The following CACNA1C variants were observed in gnomAD, a reference collection of about 807,000 sequenced individuals.
The protein encoded by CACNA1C is voltage-dependent L-type calcium channel subunit alpha-1C.
Under a neutral mutation model 229.0 loss-of-function variants are expected in CACNA1C, and 30 were observed. The ratio of observed to expected loss-of-function variants is 0.13; its 90% CI spans 0.10 to 0.18. The LOEUF (loss-of-function observed/expected upper bound fraction) is 0.18, where lower values mean the gene tolerates loss of function less well. CACNA1C is among the 10% of genes least tolerant of loss of function. The pLI, the probability that CACNA1C is intolerant of heterozygous loss-of-function variation, is 1.00. For missense variants in CACNA1C, 1,658 were observed against 2,845.0 expected (o/e 0.58, Z 9.49); for synonymous variants, 1,114 against 1,132.5 (o/e 0.98, Z 0.33).
chr12:2,662,268 TAAATC>T (rs142311770), intron 34 of CACNA1C, among the ~76,000 whole-genome samples: 5,282 of 145,788 alleles, frequency 0.036, 263 homozygotes, highest in African/African-American at 0.12. Context: ...ACAGGAAAAA[TAAATC>T]AAAGGATAAG....
intron 3 of CACNA1C, among the ~76,000 whole-genome samples, chr12:2,369,169 G>A (rs2097788938): frequency 6.6e-6 from 1 of 152,162 alleles, no homozygotes; most frequent in Non-Finnish European, 1.5e-5. Context: ...CATATACTGT[G>A]TACTAGAAAA....
Position 2,602,631 on chromosome 12 carries a change from TGTGTG to T in CACNA1C, c.2960+672_2960+676del, listed in dbSNP as rs1443736788. ...TGTGTGACTGTGTATATTTGTGTCT[TGTGTG>T]TGTGTGTGTGTGTGTGTGTGTGTGT... is the stretch of plus-strand genomic sequence containing the variant. On this transcript the variant is annotated intron_variant, in intron 22 of 46. Transcript: ENST00000399655. The surrounding 1 kb of genome is among the most constrained non-coding windows in gnomAD (Gnocchi z 4.4). Among the ~76,000 whole-genome samples, 20 of 38,330 alleles carry T rather than the reference TGTGTG, an allele frequency of 5.2e-4. No individual in the cohort carries two copies. Among genetic ancestry groups the T allele is most frequent in the Admixed American group, 1.4e-3 (4 of 2,850 alleles). 25.1% of individuals were successfully genotyped at this position (38,330 alleles called of 152,430 possible). A position where few individuals can be genotyped will look rare whatever the true frequency, so the allele number is the denominator to read the frequency against.
At position 2,360,185 on chromosome 12, in the gene CACNA1C, A is replaced by C. The variant is rs1360798536; in HGVS notation, c.478-88791A>C. 4.9e-3 allele frequency among the ~76,000 whole-genome samples: 245 copies of C among 49,616 alleles called. 1 individual carries two copies. The highest frequency in any genetic ancestry group is 0.022 in the African/African-American group (220 of 10,174). 32.6% of individuals were successfully genotyped at this position (49,616 alleles called of 152,430 possible). ...CCCCCCACCCCCCCACCCCACACAC[A>C]CACACACACACCCCACCCCACCAGG... On this transcript the variant is annotated intron_variant, in intron 3 of 46. Coordinates refer to ENST00000399655, the MANE Select transcript of CACNA1C (RefSeq NM_000719.7).
chr12:2,535,865 G>A (rs542638860), intron 9 of CACNA1C, among the ~76,000 whole-genome samples: 13 of 152,272 alleles, frequency 8.5e-5, no homozygotes, highest in South Asian at 2.1e-4. Flanking sequence ...CAAAGGACAC[G>A]CTACATAGCA....
At position 2,198,518 on chromosome 12, in the gene CACNA1C, T is replaced by C. The variant is rs2097487641; in HGVS notation, c.477+78088T>C. Among the ~76,000 whole-genome samples, 5 of 152,234 alleles carry C rather than the reference T, an allele frequency of 3.3e-5. No homozygotes were observed. The South Asian group carries it at 1.0e-3, about 32-fold the overall frequency. ...TAATCTCCGTGCGGCACCATGTTGATGAGCTGCTTCTCCACATCACCAAAT... is the reference window on the plus strand; with the variant it reads ...TAATCTCCGTGCGGCACCATGTTGACGAGCTGCTTCTCCACATCACCAAAT... On this transcript the variant is annotated intron_variant, in intron 3 of 46. Coordinates refer to ENST00000399655, the MANE Select transcript of CACNA1C (RefSeq NM_000719.7).
intron 3 of CACNA1C, among the ~76,000 whole-genome samples, chr12:2,242,001 C>T (rs574201716): frequency 6.6e-6 from 1 of 152,172 alleles, no homozygotes; most frequent in Non-Finnish European, 1.5e-5. Flanking sequence ...ATTCAAGCTC[C>T]CTGCTCCATC....
intron 3 of CACNA1C, among the ~76,000 whole-genome samples, chr12:2,198,195 G>A (rs376782202): frequency 6.6e-6 from 1 of 152,210 alleles, no homozygotes; most frequent in Non-Finnish European, 1.5e-5. Flanking sequence ...GAAGCAAGGT[G>A]CTTGTGTTTG....
rs780301618 is a variant in CACNA1C at position 2,677,128 on chromosome 12, G to A, written c.4863G>A (p.Thr1621=). The change falls in exon 40 of 47, where the codon ACG becomes ACA. Residue 1621 remains threonine (T), a synonymous_variant. Coordinates refer to ENST00000399655, the MANE Select transcript of CACNA1C (RefSeq NM_000719.7). This position sits in a 1 kb window ranked among gnomAD's most constrained non-coding sequence, Gnocchi z 7.4. ...DEVTVGKFYA[T]FLIQEYFRKF... ...TCACCGTTGGCAAGTTCTACGCCAC[G>A]TTCCTGATCCAGGAGTACTTCCGGA... 4.3e-5 allele frequency: 69 copies of A among 1,613,494 alleles called. No individual in the cohort carries two copies. Among genetic ancestry groups the A allele is most frequent in the Non-Finnish European group, 4.7e-5 (55 of 1,179,724 alleles).
intron 3 of CACNA1C, among the ~76,000 whole-genome samples, chr12:2,359,316 G>A (rs976724089): frequency 6.6e-6 from 1 of 152,156 alleles, no homozygotes; most frequent in Non-Finnish European, 1.5e-5. Flanking sequence ...TTTCCAGTGA[G>A]CCAGTGGGTG....
chr12:2,102,748 G>T (rs930558909), intron 1 of CACNA1C, among the ~76,000 whole-genome samples: 1 of 152,014 alleles, frequency 6.6e-6, no homozygotes, highest in African/African-American at 2.4e-5. Context: ...CGTACTCCCC[G>T]AAAGGCCCTG....
At chr12:2,167,752 C>T (rs1434455789) in intron 3 of CACNA1C, among the ~76,000 whole-genome samples, 3 of 152,124 alleles carry the variant, frequency 2.0e-5, no homozygotes, top group Non-Finnish European at 4.4e-5. Context: ...ACCATTTGCT[C>T]CTTCCATTTT....
intron 3 of CACNA1C, among the ~76,000 whole-genome samples, chr12:2,416,825 A>G (rs1396189614): frequency 6.6e-6 from 1 of 152,202 alleles, no homozygotes; most frequent in Non-Finnish European, 1.5e-5. Context: ...TTTACAAACG[A>G]GGACTCTAAG....
At chr12:2,368,324 G>A (rs10774040) in intron 3 of CACNA1C, among the ~76,000 whole-genome samples, 49,857 of 152,060 alleles carry the variant, frequency 0.33, 8,467 homozygotes, top group Non-Finnish European at 0.38. Flanking sequence ...AAAGCAGGAC[G>A]TGGAAAGGAA....
At chr12:2,031,715 A>G (rs145269614) in intron 1 of CACNA1C, among the ~76,000 whole-genome samples, 4 of 152,130 alleles carry the variant, frequency 2.6e-5, no homozygotes, top group East Asian at 1.9e-4. Context: ...AATCAAATTC[A>G]TGGTTGGATT....
At chr12:2,324,465 G>T (rs1430562203) in intron 3 of CACNA1C, among the ~76,000 whole-genome samples, 1 of 152,196 alleles carries the variant, frequency 6.6e-6, no homozygotes, top group Non-Finnish European at 1.5e-5. Flanking sequence ...TCCTGTTTTT[G>T]TCCAAGACCA....
intron 30 of CACNA1C, among the ~76,000 whole-genome samples, chr12:2,643,809 T>C (rs959164450): frequency 7.9e-5 from 12 of 152,130 alleles, no homozygotes; most frequent in African/African-American, 2.7e-4. Flanking sequence ...TTCCCAGCTC[T>C]CTCTCTGCAC....
intron 19 of CACNA1C, among the ~76,000 whole-genome samples, chr12:2,594,856 G>A (rs1190846823): frequency 2.0e-5 from 3 of 152,262 alleles, no homozygotes; most frequent in Admixed American, 6.5e-5. Flanking sequence ...TGTTGGCTTG[G>A]CCTAAAATTC....
chr12:2,232,644 G>A (rs566148645), intron 3 of CACNA1C, among the ~76,000 whole-genome samples: 1 of 152,054 alleles, frequency 6.6e-6, no homozygotes, highest in Admixed American at 6.6e-5. Context: ...GCATTCCCTG[G>A]TACATCTTGT....
Position 2,120,692 on chromosome 12 carries a change from G to GTGTGTGTGTT in CACNA1C, c.477+267_477+268insGTGTTTGTGT, listed in dbSNP as rs764879260. 1.2e-3 allele frequency among the ~76,000 whole-genome samples: 175 copies of GTGTGTGTGTT among 150,636 alleles called. 2 individuals carry two copies. The highest frequency in any genetic ancestry group is 3.4e-3 in the South Asian group (16 of 4,768). On this transcript the variant is annotated intron_variant, in intron 3 of 46. Transcript: ENST00000399655. ...TGTGTGTGTGTGTGTGTGTGTGTGT[G>GTGTGTGTGTT]TGTGTTTAGTAGCAAATCCCGTGAC... is the stretch of plus-strand genomic sequence containing the variant.
Sources: gnomAD v4.1 joint callset for allele counts (sites outside exome capture counted in the v4.1 genomes callset) on GRCh38, gnomAD v4.1.1 for gene constraint, Gnocchi (gnomAD v3.1) non-coding constraint, MANE v1.5 for transcripts, NCBI Gene and HGNC (gene_info 2026-07-23, HGNC 2026-07-21) for gene names.